The following TMEM131L variants were observed in gnomAD, a reference collection of about 807,000 sequenced individuals.
TMEM131L encodes the protein transmembrane protein 131-like.
In TMEM131L, 54 loss-of-function variants were observed where a neutral mutation model predicts 192.2. The ratio of observed to expected loss-of-function variants is 0.28; its 90% CI spans 0.23 to 0.35. TMEM131L has a LOEUF of 0.35. TMEM131L is among the 10% of genes least tolerant of loss of function. The pLI, the probability that TMEM131L is intolerant of heterozygous loss-of-function variation, is 1.00. For synonymous variants in TMEM131L, 701 were observed against 704.9 expected (o/e 0.99, Z 0.09); for missense variants, 1,888 against 1,972.9 (o/e 0.96, Z 0.82).
chr4:153,472,742 A>G (rs1409798813), intron 2 of TMEM131L, among the ~76,000 whole-genome samples: 2 of 152,196 alleles, frequency 1.3e-5, no homozygotes, highest in Admixed American at 6.5e-5. Context: ...ATTTGAGCCA[A>G]TCTTTGAAAG....
intron 7 of TMEM131L, among the ~76,000 whole-genome samples, chr4:153,569,966 A>C: frequency 6.6e-6 from 1 of 152,172 alleles, no homozygotes; most frequent in East Asian, 1.9e-4. Flanking sequence ...CTGTGAGTTA[A>C]CATTCAAAGA....
At chr4:153,623,223 T>G (rs1166150769) in intron 29 of TMEM131L, 140 bp downstream of exon 29, 1 of 666,430 alleles carries the variant, frequency 1.5e-6, no homozygotes, top group Non-Finnish European at 2.3e-6. Flanking sequence ...GCTTTGGACT[T>G]ACTCACTTTC....
chr4:153,566,275 A>G (rs1729186520), intron 7 of TMEM131L, among the ~76,000 whole-genome samples: 1 of 151,984 alleles, frequency 6.6e-6, no homozygotes, highest in South Asian at 2.1e-4. Context: ...AGCTGGGACC[A>G]CAGGCGCCCG....
In TMEM131L at chr4:153,602,569, G is replaced by C. The variant is rs771429011; in HGVS notation, c.2481G>C (p.Trp827Cys). 19 of 1,614,018 alleles carry C rather than the reference G, an allele frequency of 1.2e-5. No individual in the cohort carries two copies. The highest frequency in any genetic ancestry group is 1.6e-4 in the Middle Eastern group (1 of 6,062). The change falls in exon 23 of 35, where the codon TGG becomes TGC. Residue 827 changes from tryptophan (W) to cysteine (C), a missense_variant. By Grantham distance (215) the Trp-to-Cys change is radical. Coordinates refer to ENST00000409959, the MANE Select transcript of TMEM131L (RefSeq NM_001131007.2). ...IVFTPDFTSS[W>C]VIRDLSLVTA... The stretch of plus-strand genomic sequence containing the variant: ...TCACTCCAGACTTTACCTCCTCCTG[G>C]GTAATTCGGGACCTAAGTCTTGTAA...
intron 26 of TMEM131L, among the ~76,000 whole-genome samples, chr4:153,614,000 A>G (rs1732802619): frequency 6.6e-6 from 1 of 152,228 alleles, no homozygotes; most frequent in East Asian, 1.9e-4. Context: ...TTCATAGTAG[A>G]GGGGACTTCA....
intron 3 of TMEM131L, among the ~76,000 whole-genome samples, chr4:153,515,354 C>T (rs562932177): frequency 1.3e-5 from 2 of 152,298 alleles, no homozygotes; most frequent in South Asian, 2.1e-4. Context: ...TAGCATGTGG[C>T]CTTTTTTGAC....
intron 3 of TMEM131L, among the ~76,000 whole-genome samples, chr4:153,480,917 T>C (rs1731897544): frequency 6.6e-6 from 1 of 152,322 alleles, no homozygotes; most frequent in Admixed American, 6.5e-5. Flanking sequence ...AGTCTTCATG[T>C]GGTCTTCTGT....
chr4:153,506,350 C>T (rs1733982028), intron 3 of TMEM131L, among the ~76,000 whole-genome samples: 1 of 152,150 alleles, frequency 6.6e-6, no homozygotes, highest in Non-Finnish European at 1.5e-5. Flanking sequence ...AGCAAGGTAA[C>T]AATGGAGCAG....
chr4:153,618,748 G>C (rs1733174855), intron 26 of TMEM131L, among the ~76,000 whole-genome samples: 1 of 151,920 alleles, frequency 6.6e-6, no homozygotes. Context: ...CAGTTTCCTG[G>C]TTAGTCCTGT....
chr4:153,481,391 G>A (rs888457255), intron 3 of TMEM131L, among the ~76,000 whole-genome samples: 4 of 152,192 alleles, frequency 2.6e-5, no homozygotes, highest in Admixed American at 6.5e-5. Context: ...AGCTGCAGAA[G>A]GAATGCAAGC....
chr4:153,636,565 G>A lies in TMEM131L; in HGVS notation c.4822G>A (p.Gly1608Arg). 6.2e-7 allele frequency: 1 copy of A among 1,610,570 alleles called. No homozygotes were observed. Among genetic ancestry groups the A allele is most frequent in the Non-Finnish European group, 8.5e-7 (1 of 1,177,134 alleles). The part of the protein sequence containing the change: ...FPLSRDSSYC[G>R]NV ...ACTGTCTAGAGACTCGAGTTACTGTGGGAATGTGTGAAAATAATTGGATTT... is the reference window on the plus strand; with the variant it reads ...ACTGTCTAGAGACTCGAGTTACTGTAGGAATGTGTGAAAATAATTGGATTT... Residue 1608 changes from glycine (G) to arginine (R), a missense_variant, in exon 35 of 35, where the codon GGG (glycine) becomes AGG (arginine). By Grantham distance (125) the Gly-to-Arg change is moderately radical. Transcript: ENST00000409959.
intron 2 of TMEM131L, among the ~76,000 whole-genome samples, chr4:153,471,546 G>T (rs942081720): frequency 6.6e-6 from 1 of 152,186 alleles, no homozygotes; most frequent in Non-Finnish European, 1.5e-5. Flanking sequence ...TCCTAGTATT[G>T]TTTGACAATC....
rs1336192696 is a variant in TMEM131L, at chr4:153,467,138, G to A, written c.125-73G>A. Reference sequence around the variant, plus strand: ...TTTGGTGAGGCGGGGGGCACGGAGGGACGGTAGGGGAAACAGGAAGCGTTT... The same window carrying A: ...TTTGGTGAGGCGGGGGGCACGGAGGAACGGTAGGGGAAACAGGAAGCGTTT... On this transcript the variant is annotated intron_variant, in intron 1 of 34. Transcript: ENST00000409959. The A allele has an allele frequency of 1.1e-5, 16 of 1,418,212 alleles. No individual in the cohort carries two copies. The East Asian group carries it at 3.5e-4, about 31-fold the overall frequency. 87.9% of individuals were successfully genotyped at this position (1,418,212 alleles called of 1,614,324 possible).
rs191421139 is a variant in TMEM131L, at chr4:153,504,786, A to G, written c.239+30898A>G. On this transcript the variant is annotated intron_variant, in intron 3 of 34. Transcript: ENST00000409959. ...CATAAACGAATGAAACTTAGGATAC[A>G]TGAGAAGCAGAATCCTTGACATTTT... 5.7e-4 allele frequency among the ~76,000 whole-genome samples: 87 copies of G among 152,364 alleles called. 1 individual carries two copies. The highest frequency in any genetic ancestry group is 5.4e-3 in the Admixed American group (83 of 15,310).
intron 3 of TMEM131L, among the ~76,000 whole-genome samples, chr4:153,545,045 A>G (rs1266311064): frequency 6.6e-6 from 1 of 152,184 alleles, no homozygotes; most frequent in East Asian, 1.9e-4. Context: ...TCCATGTCTA[A>G]GTTACTGGAC....
intron 7 of TMEM131L, among the ~76,000 whole-genome samples, chr4:153,563,445 G>A (rs1305099130): frequency 1.4e-5 from 2 of 147,860 alleles, no homozygotes; most frequent in East Asian, 2.0e-4. Flanking sequence ...GTGAGAAAAC[G>A]GATATGTACC....
At chr4:153,498,220 T>C (rs79285346) in intron 3 of TMEM131L, among the ~76,000 whole-genome samples, 69 of 151,946 alleles carry the variant, frequency 4.5e-4, no homozygotes, top group African/African-American at 1.6e-3. Flanking sequence ...TTTGGGGGAG[T>C]CCTGAGCATG....
At chr4:153,622,786 G>A in intron 28 of TMEM131L, 112 bp from the exon 29 acceptor site, 1 of 960,980 alleles carries the variant, frequency 1.0e-6, no homozygotes, top group Non-Finnish European at 1.7e-6. Flanking sequence ...ATGAGCAGAG[G>A]TAGCTGAAGG....
At chr4:153,563,298 T>C (rs1728961785) in intron 7 of TMEM131L, among the ~76,000 whole-genome samples, 1 of 152,098 alleles carries the variant, frequency 6.6e-6, no homozygotes, top group South Asian at 2.1e-4. Context: ...GGACACATAA[T>C]TCAAATGGCA....
Sources: allele counts gnomAD v4.1 joint callset (sites outside exome capture counted in the v4.1 genomes callset), GRCh38; gene constraint gnomAD v4.1.1; transcripts MANE v1.5; gene names NCBI Gene and HGNC (gene_info 2026-07-23, HGNC 2026-07-21).